The following ANKRD30B variants were observed in gnomAD, a reference collection of about 807,000 sequenced individuals.
ANKRD30B encodes the protein ankyrin repeat domain-containing protein 30B.
In ANKRD30B, 144 loss-of-function variants were observed where a neutral mutation model predicts 202.2. That is an observed-to-expected ratio of 0.71 (90% confidence interval 0.62 to 0.82). ANKRD30B has a LOEUF of 0.82. ANKRD30B is among the 40% of genes least tolerant of loss of function. The pLI is 0.00. For missense variants in ANKRD30B, 1,487 were observed against 1,669.1 expected, an observed-to-expected ratio of 0.89 and a Z score of 1.90; for synonymous variants, 508 against 561.3, an observed-to-expected ratio of 0.91 and a Z score of 1.34.
chr18:14,906,048 T>G, the ANKRD30B span, among the ~76,000 whole-genome samples: 2 of 152,168 alleles, frequency 1.3e-5, no homozygotes, highest in Non-Finnish European at 2.9e-5. Context: ...GAGATTTTTT[T>G]TTTTTGGTTT....
At chr18:14,872,564 G>C in the ANKRD30B span, among the ~76,000 whole-genome samples, 22 of 152,080 alleles carry the variant, frequency 1.4e-4, no homozygotes, top group Admixed American at 8.5e-4. Context: ...CTTTCCCCAA[G>C]CAACTCAGTC....
intron 32 of ANKRD30B, among the ~76,000 whole-genome samples, chr18:14,826,622 T>G (rs554954162): frequency 1.8e-4 from 28 of 151,950 alleles, no homozygotes; most frequent in African/African-American, 6.8e-4. Flanking sequence ...GTCTTTTTTA[T>G]CTGCTTCTTG....
the ANKRD30B span, among the ~76,000 whole-genome samples, chr18:14,891,086 T>C: frequency 5.9e-5 from 9 of 152,280 alleles, no homozygotes; most frequent in East Asian, 1.4e-3. Flanking sequence ...ATTTTCTACA[T>C]GAAGGTATAG....
At chr18:14,903,882 C>A in the ANKRD30B span, among the ~76,000 whole-genome samples, 7 of 152,230 alleles carry the variant, frequency 4.6e-5, no homozygotes, top group Non-Finnish European at 8.8e-5. Flanking sequence ...CATCGAGGAA[C>A]AACTACACAT....
At chr18:14,918,242 ATAAT>A in the ANKRD30B span, among the ~76,000 whole-genome samples, 2 of 152,138 alleles carry the variant, frequency 1.3e-5, no homozygotes, top group Non-Finnish European at 2.9e-5. Context: ...TAGATATATG[ATAAT>A]TCTCCTGAGA....
the ANKRD30B span, among the ~76,000 whole-genome samples, chr18:14,896,375 C>T: frequency 1.3e-5 from 2 of 152,204 alleles, no homozygotes; most frequent in African/African-American, 4.8e-5. Context: ...TTGTGATCTG[C>T]CCACCTCGGC....
rs928658391 is a variant in ANKRD30B, at chr18:14,851,637, C to G, written c.3693C>G (p.Tyr1231Ter). ...KHQHQVKENKYFEDIKILQEK... is the reference protein window; with the variant it reads ...KHQHQVKENK Reference sequence around the variant, plus strand: ...AACACCAGGTGAAGGAAAATAAATACTTTGAGGACATTAAGATTTTACAAG... The same window carrying G: ...AACACCAGGTGAAGGAAAATAAATAGTTTGAGGACATTAAGATTTTACAAG... Residue 1231 changes from tyrosine to a stop codon, truncating the protein, a stop_gained, in exon 42 of 44, where the codon TAC becomes TAG. Transcript: ENST00000690538. LOFTEE classifies it high-confidence loss of function. 1 of 1,611,612 alleles carries G rather than the reference C, an allele frequency of 6.2e-7. No individual in the cohort carries two copies. The highest frequency in any genetic ancestry group is 2.2e-5 in the East Asian group (1 of 44,864).
chr18:14,832,879 G>A (rs1309622148), intron 34 of ANKRD30B, among the ~76,000 whole-genome samples: 2 of 152,130 alleles, frequency 1.3e-5, no homozygotes, highest in South Asian at 2.1e-4. Context: ...GTATCCCCAA[G>A]TGGAGTTCAG....
chr18:14,770,026 G>A (rs1273181708), intron 8 of ANKRD30B, among the ~76,000 whole-genome samples: 2 of 152,136 alleles, frequency 1.3e-5, no homozygotes, highest in Non-Finnish European at 2.9e-5. Context: ...ATATCTTATA[G>A]AATTCTCTAT....
chr18:14,928,156 C>T, the ANKRD30B span, among the ~76,000 whole-genome samples: 1 of 152,012 alleles, frequency 6.6e-6, no homozygotes, highest in African/African-American at 2.4e-5. Context: ...TTAGTAGAGA[C>T]AGAGTTTCAG....
At chr18:14,903,019 G>A in the ANKRD30B span, among the ~76,000 whole-genome samples, 1 of 152,162 alleles carries the variant, frequency 6.6e-6, no homozygotes, top group Non-Finnish European at 1.5e-5. Flanking sequence ...TGAGTTCAAA[G>A]CACTTTCACG....
chr18:14,815,485 C>T (rs1393706222), intron 30 of ANKRD30B, among the ~76,000 whole-genome samples: 2 of 151,910 alleles, frequency 1.3e-5, no homozygotes, highest in African/African-American at 4.8e-5. Flanking sequence ...AGAGGCCTTT[C>T]ATGGGAAAAA....
At chr18:14,886,768 A>T in the ANKRD30B span, among the ~76,000 whole-genome samples, 1 of 152,138 alleles carries the variant, frequency 6.6e-6, no homozygotes, top group South Asian at 2.1e-4. Context: ...CATATGAAAG[A>T]CTAAGTCCCC....
chr18:14,789,496 T>G (rs1423213748), intron 15 of ANKRD30B, among the ~76,000 whole-genome samples: 1 of 152,112 alleles, frequency 6.6e-6, no homozygotes, highest in Non-Finnish European at 1.5e-5. Flanking sequence ...AATGCCTAGG[T>G]TTTCTTCTAG....
rs775865486 is a variant in ANKRD30B at position 14,796,262 on chromosome 18, A to G, written c.1854+13A>G. The G allele has an allele frequency of 1.7e-5, 28 of 1,608,076 alleles. No individual in the cohort carries two copies. The South Asian group carries it at 2.3e-4, about 13-fold the overall frequency. On this transcript the variant is annotated intron_variant, in intron 17 of 43. Transcript: ENST00000690538. ...TGGTCTTCTGAAGGTAATAACTTTT[A>G]TATTGCTATCTTGAATACTAACTAC...
At chr18:14,885,392 A>C in the ANKRD30B span, among the ~76,000 whole-genome samples, 13 of 152,034 alleles carry the variant, frequency 8.6e-5, no homozygotes, top group Non-Finnish European at 1.8e-4. Flanking sequence ...ACTGGTGTTT[A>C]ATTGCAGTCA....
chr18:14,928,413 G>A, the ANKRD30B span, among the ~76,000 whole-genome samples: 3 of 152,242 alleles, frequency 2.0e-5, no homozygotes, highest in African/African-American at 7.2e-5. Flanking sequence ...GACGAAGATT[G>A]CCTTTCCCGA....
chr18:14,842,800 G>A (rs1971471338), intron 37 of ANKRD30B, 97 bp from the exon 38 acceptor site: 1 of 1,197,408 alleles, frequency 8.4e-7, no homozygotes, highest in Non-Finnish European at 1.2e-6. Flanking sequence ...CATTCTCAAA[G>A]CTGAGAAAAA....
At chr18:14,816,776 G>C (rs1348385745) in intron 30 of ANKRD30B, 1 of 151,946 alleles carries the variant, frequency 6.6e-6, no homozygotes, top group South Asian at 2.1e-4. Flanking sequence ...GGAACACTAC[G>C]CAGCCATAAA....
Sources: allele counts gnomAD v4.1 joint callset (sites outside exome capture counted in the v4.1 genomes callset), GRCh38; gene constraint gnomAD v4.1.1; transcripts MANE v1.5; gene names NCBI Gene and HGNC (gene_info 2026-07-23, HGNC 2026-07-21).